Variants in RILPL1 observed in about 807,000 individuals in gnomAD.
RILPL1 encodes the protein RILP-like protein 1.
A neutral mutation model predicts 50.3 loss-of-function variants in RILPL1; 33 were observed. The ratio of observed to expected loss-of-function variants is 0.66; its 90% confidence interval spans 0.50 to 0.88. The LOEUF is 0.88. RILPL1 is among the 40% of genes least tolerant of loss of function. RILPL1 has a pLI of 0.00. For synonymous variants in RILPL1, 205 were observed against 228.6 expected (o/e 0.90, Z 0.93); for missense variants, 418 against 542.5 (o/e 0.77, Z 2.28).
At chr12:123,520,885 T>C (rs973757912) in intron 2 of RILPL1, among the ~76,000 whole-genome samples, 1 of 152,154 alleles carries the variant, frequency 6.6e-6, no homozygotes, top group Non-Finnish European at 1.5e-5. Context: ...GATCAATCCA[T>C]GGTGCGCGTG....
chr12:123,495,151 GCCATTTC>G (rs1275609058), intron 4 of RILPL1, among the ~76,000 whole-genome samples: 2 of 151,920 alleles, frequency 1.3e-5, no homozygotes, highest in African/African-American at 4.8e-5. Context: ...AGGGAAAGAG[GCCATTTC>G]TTTTGACTGG....
chr12:123,485,522 A>C lies in RILPL1; in HGVS notation c.974+111T>G. On this transcript the variant is annotated intron_variant, in intron 5 of 6. Transcript: ENST00000376874. The surrounding 1 kb of genome is among the most constrained non-coding windows in gnomAD (Gnocchi z 4.0). ...TTAGGCCAGAGAGGGTACCCAAAAA[A>C]AACACTGATGAAATGCTTGTCTTCC... 6.6e-6 allele frequency: 7 copies of C among 1,065,118 alleles called. No homozygotes were observed. The highest frequency in any genetic ancestry group is 9.5e-6 in the Non-Finnish European group (7 of 733,666). The allele number at this position is 1,065,118 out of a possible 1,614,324, so 66.0% of individuals were successfully genotyped here.
intron 2 of RILPL1, among the ~76,000 whole-genome samples, chr12:123,521,650 TACACATATATGTATATATATAA>T (rs1885046350): frequency 4.1e-5 from 1 of 24,256 alleles, no homozygotes; most frequent in African/African-American, 9.5e-5. Flanking sequence ...TGTATATATA[TACACATATATGTATATATATAA>T]ATATATATAT....
intron 2 of RILPL1, among the ~76,000 whole-genome samples, chr12:123,506,897 C>A (rs1883784764): frequency 6.6e-6 from 1 of 152,160 alleles, no homozygotes; most frequent in Admixed American, 6.5e-5. Flanking sequence ...TCTTCTAGTA[C>A]CTCCTGGGTC....
At chr12:123,501,873 C>G (rs1486963837) in intron 2 of RILPL1, among the ~76,000 whole-genome samples, 3 of 151,666 alleles carry the variant, frequency 2.0e-5, no homozygotes, top group Admixed American at 1.3e-4. Context: ...GTCGGGAGCT[C>G]GAGACCAACC....
At chr12:123,513,140 G>A (rs1450468080) in intron 2 of RILPL1, among the ~76,000 whole-genome samples, 1 of 149,948 alleles carries the variant, frequency 6.7e-6, no homozygotes, top group Admixed American at 6.7e-5. Flanking sequence ...TGTGAGGTCC[G>A]TGTGTGTGTG....
intron 2 of RILPL1, among the ~76,000 whole-genome samples, chr12:123,502,965 G>A (rs1883492882): frequency 6.6e-6 from 1 of 151,358 alleles, no homozygotes. Context: ...TCGGCTCACT[G>A]CAGCCTCCCC....
intron 2 of RILPL1, among the ~76,000 whole-genome samples, chr12:123,510,905 ATT>A: frequency 2.0e-5 from 1 of 49,252 alleles, no homozygotes; most frequent in Non-Finnish European, 3.9e-5. Flanking sequence ...GTGTGTGTGT[ATT>A]GTGTGAGGTC....
chr12:123,507,953 G>A (rs147020841), intron 2 of RILPL1, among the ~76,000 whole-genome samples: 5,694 of 108,832 alleles, frequency 0.052, 7 homozygotes, highest in Non-Finnish European at 0.062. Context: ...AAAAAAAAAA[G>A]AAAAAAAAAA....
intron 2 of RILPL1, among the ~76,000 whole-genome samples, chr12:123,509,491 A>G (rs1404844086): frequency 3.3e-5 from 5 of 151,418 alleles, no homozygotes; most frequent in African/African-American, 1.2e-4. Context: ...TGAACCTGAA[A>G]GGTGGAGGTT....
chr12:123,533,564 G>T lies in RILPL1; in HGVS notation c.-82C>A. The T allele has an allele frequency of 6.6e-6, 8 of 1,218,942 alleles. No individual in the cohort carries two copies. Among genetic ancestry groups the T allele is most frequent in the Non-Finnish European group, 8.4e-6 (8 of 952,172 alleles). The allele number at this position is 1,218,942 out of a possible 1,614,324, so 75.5% of individuals were successfully genotyped here. ...CGCTGTCGAGGGCCGGGCCGGCCGG[G>T]CCCAGCCTGGGCCGCGGGCGGGCGC... On this transcript the variant is annotated 5_prime_UTR_variant, in exon 1 of 7. Coordinates refer to ENST00000376874, the MANE Select transcript of RILPL1 (RefSeq NM_178314.5). The surrounding 1 kb of genome is among the most constrained non-coding windows in gnomAD (Gnocchi z 6.2).
At chr12:123,484,566 G>A (rs1566116508) in intron 5 of RILPL1, among the ~76,000 whole-genome samples, 1 of 150,988 alleles carries the variant, frequency 6.6e-6, no homozygotes, top group South Asian at 2.1e-4. Context: ...GGAAGGCCCA[G>A]TTCAAATGCT....
At chr12:123,504,434 G>A (rs1365114642) in intron 2 of RILPL1, among the ~76,000 whole-genome samples, 2 of 152,150 alleles carry the variant, frequency 1.3e-5, no homozygotes, top group African/African-American at 2.4e-5. Flanking sequence ...AACAGCAGGC[G>A]ACGATGCCAG....
intron 2 of RILPL1, among the ~76,000 whole-genome samples, chr12:123,504,243 C>T (rs1222849978): frequency 6.6e-6 from 1 of 152,154 alleles, no homozygotes; most frequent in Non-Finnish European, 1.5e-5. Flanking sequence ...GCCCCCGGGA[C>T]TCAGGACATG....
chr12:123,484,057 C>T (rs903516866), intron 6 of RILPL1, 123 bp downstream of exon 6: 5 of 638,442 alleles, frequency 7.8e-6, no homozygotes, highest in South Asian at 1.9e-5. Context: ...CCAGGCCAGA[C>T]GTCTCAGCAG....
intron 1 of RILPL1, among the ~76,000 whole-genome samples, chr12:123,528,786 CT>C (rs200540666): frequency 3.3e-5 from 5 of 151,420 alleles, no homozygotes; most frequent in African/African-American, 7.3e-5. Flanking sequence ...ACCCTAAATT[CT>C]TTTTTTTTCT....
At chr12:123,529,847 C>T (rs972238241) in intron 1 of RILPL1, among the ~76,000 whole-genome samples, 1 of 140,254 alleles carries the variant, frequency 7.1e-6, no homozygotes, top group Admixed American at 7.9e-5. Context: ...GCTCTCTGGC[C>T]TGGATGACAG....
chr12:123,528,450 C>T (rs1179776614), intron 1 of RILPL1, among the ~76,000 whole-genome samples: 8 of 139,926 alleles, frequency 5.7e-5, no homozygotes, highest in South Asian at 4.7e-4. Context: ...TTTTTTGAGA[C>T]GGAGTCTCAC....
intron 6 of RILPL1, among the ~76,000 whole-genome samples, chr12:123,480,191 C>T (rs961956076): frequency 4.2e-5 from 6 of 142,486 alleles, no homozygotes; most frequent in South Asian, 4.4e-4. Context: ...AATGGGGTAT[C>T]GCTCTGTTGT....
Sources: allele counts gnomAD v4.1 joint callset (sites outside exome capture counted in the v4.1 genomes callset), GRCh38; gene constraint gnomAD v4.1.1; non-coding constraint Gnocchi (gnomAD v3.1); transcripts MANE v1.5; gene names NCBI Gene and HGNC (gene_info 2026-07-23, HGNC 2026-07-21).